TPTE: variants seen among roughly 807,000 people sequenced by gnomAD.
TPTE encodes the protein transmembrane phosphatase with tensin homology, also known as putative tyrosine-protein phosphatase TPTE.
In TPTE, 59 loss-of-function variants were observed where a neutral mutation model predicts 84.1. The observed-to-expected ratio is 0.70, with a 90% CI of 0.57 to 0.87. The LOEUF (loss-of-function observed/expected upper bound fraction) is 0.87. TPTE is among the 40% of genes least tolerant of loss of function. The probability of loss-of-function intolerance (pLI) is 0.00; values close to 1 mark genes in which losing one functional copy is unlikely to be tolerated. For synonymous variants in TPTE, 130 were observed against 223.5 expected (o/e 0.58, Z 3.73); for missense variants, 382 against 659.6 (o/e 0.58, Z 4.61).
intron 19 of TPTE, among the ~76,000 whole-genome samples, chr21:10,595,427 G>A (rs1349167074): frequency 4.6e-5 from 7 of 152,310 alleles, no homozygotes; most frequent in Non-Finnish European, 1.0e-4. Context: ...GTTGTGAACA[G>A]CTTGCCCCAG....
In TPTE at chr21:10,605,477, TC is replaced by T; in HGVS notation, c.1583del (p.Pro528HisfsTer14). Reference sequence around the variant, plus strand: ...ATAAACAAAAAGCACGGAGAATTTATCCATCAGATTTTGCCGTGGAGATACT... The same window carrying T: ...ATAAACAAAAAGCACGGAGAATTTATCATCAGATTTTGCCGTGGAGATACT... The part of the protein sequence containing the change: ...LHKQKARRIY[P>X]SDFAVEILFG... On this transcript the variant is annotated frameshift_variant, in exon 24 of 24. Transcript: ENST00000618007. LOFTEE classifies it high-confidence loss of function. 6.2e-7 allele frequency: 1 copy of T among 1,614,248 alleles called. No homozygotes were observed.
At chr21:10,531,828 G>C (rs2074183762) in intron 3 of TPTE, among the ~76,000 whole-genome samples, 2 of 152,420 alleles carry the variant, frequency 1.3e-5, no homozygotes, top group African/African-American at 2.4e-5. Flanking sequence ...AATCTACTTA[G>C]AGTCTACCCT....
chr21:10,591,875 A>C (rs1323928543), intron 18 of TPTE, among the ~76,000 whole-genome samples: 1 of 152,312 alleles, frequency 6.6e-6, no homozygotes, highest in Admixed American at 6.5e-5. Context: ...CCCAAAGATC[A>C]CTGCGGCCGG....
intron 11 of TPTE, among the ~76,000 whole-genome samples, 178 bp from the exon 12 acceptor site, chr21:10,569,259 C>T (rs1404872738): frequency 6.6e-6 from 1 of 152,312 alleles, no homozygotes; most frequent in South Asian, 2.1e-4. Context: ...CACACACATG[C>T]ACGCACGCCA....
chr21:10,539,041 G>C (rs1183995332), intron 4 of TPTE, among the ~76,000 whole-genome samples: 13 of 152,418 alleles, frequency 8.5e-5, no homozygotes, highest in African/African-American at 3.1e-4. Context: ...CTTTTCTAAC[G>C]GAGTGATATA....
At chr21:10,553,241 G>A (rs1478474372) in intron 8 of TPTE, among the ~76,000 whole-genome samples, 5 of 152,298 alleles carry the variant, frequency 3.3e-5, no homozygotes, top group African/African-American at 1.2e-4. Context: ...TGTACTCACT[G>A]TAATGAAACA....
chr21:10,583,111 A>G (rs918977461), intron 17 of TPTE, among the ~76,000 whole-genome samples: 1 of 152,310 alleles, frequency 6.6e-6, no homozygotes, highest in Non-Finnish European at 1.5e-5. Flanking sequence ...CCTCAGAATA[A>G]AATTGTTCTG....
intron 3 of TPTE, among the ~76,000 whole-genome samples, chr21:10,533,670 A>G (rs1184642251): frequency 6.6e-6 from 1 of 152,310 alleles, no homozygotes; most frequent in Admixed American, 6.5e-5. Flanking sequence ...GTCTCACTGA[A>G]ATCTAGGACG....
rs374325784 is a variant in TPTE, at chr21:10,541,121, G to A, written c.21G>A (p.Pro7=). 7 of 1,613,180 alleles carry A rather than the reference G, an allele frequency of 4.3e-6. No individual in the cohort carries two copies. The highest frequency in any genetic ancestry group is 1.7e-5 in the Admixed American group (1 of 60,000). The change falls in exon 5 of 24, where the codon CCG becomes CCA. Residue 7 remains proline (P), a synonymous_variant. Transcript: ENST00000618007. MNESPD[P]TDLAGVIIEL... is the part of the protein sequence containing the mutation. The stretch of plus-strand genomic sequence containing the variant: ...CATATTTGTCCTTTAGTCCTGATCC[G>A]ACTGACCTGGCGGGAGTCATCATTG...
rs569536435 is a variant in TPTE at position 10,542,676 on chromosome 21, G to C, written c.119+228G>C. Among the ~76,000 whole-genome samples the C allele has an allele frequency of 7.2e-5, 11 of 152,352 alleles. No individual in the cohort carries two copies. The South Asian group carries it at 2.1e-3, about 29-fold the overall frequency. Reference sequence around the variant, plus strand: ...AATCCATGCACATGATGGAAACATAGACCAAAGAGAAAGGAGACTGGTGGA... The same window carrying C: ...AATCCATGCACATGATGGAAACATACACCAAAGAGAAAGGAGACTGGTGGA... On this transcript the variant is annotated intron_variant, in intron 6 of 23. Transcript: ENST00000618007.
In TPTE at chr21:10,537,102, A is replaced by ATG. The variant is rs1178378452; in HGVS notation, c.-43-1578_-43-1577dup. ...CTATAATGGCAAAAACAAGGCACTC[A>ATG]TGAAGGGATTTTAGTGTCAGGAAAT... On this transcript the variant is annotated intron_variant, in intron 3 of 23. Coordinates refer to ENST00000618007, the MANE Select transcript of TPTE (RefSeq NM_199261.4). Among the ~76,000 whole-genome samples, 12 of 152,420 alleles carry ATG rather than the reference A, an allele frequency of 7.9e-5. No homozygotes were observed. In the East Asian group the frequency reaches 1.9e-3, roughly 24 times the overall value.
intron 8 of TPTE, among the ~76,000 whole-genome samples, chr21:10,559,191 T>C (rs1220115214): frequency 2.0e-5 from 3 of 152,310 alleles, no homozygotes; most frequent in African/African-American, 7.2e-5. Flanking sequence ...GCTATACTCC[T>C]TGAGATGATG....
chr21:10,578,079 GA>G (rs1179390591), intron 15 of TPTE, among the ~76,000 whole-genome samples: 1 of 152,304 alleles, frequency 6.6e-6, no homozygotes, highest in East Asian at 1.9e-4. Flanking sequence ...ATAATATAAT[GA>G]ATAGTCTGCT....
At chr21:10,549,370 CTAATCA>C (rs1260847372) in intron 7 of TPTE, among the ~76,000 whole-genome samples, 1 of 152,308 alleles carries the variant, frequency 6.6e-6, no homozygotes, top group African/African-American at 2.4e-5. Context: ...GTAATAGAAC[CTAATCA>C]TAAACATATG....
intron 3 of TPTE, among the ~76,000 whole-genome samples, chr21:10,530,974 G>C (rs1392949545): frequency 6.6e-6 from 1 of 152,308 alleles, no homozygotes; most frequent in Non-Finnish European, 1.5e-5. Context: ...GTCCATTCAT[G>C]AACTTAGCCC....
At chr21:10,557,203 C>T (rs1385795083) in intron 8 of TPTE, among the ~76,000 whole-genome samples, 1 of 152,426 alleles carries the variant, frequency 6.6e-6, no homozygotes, top group Non-Finnish European at 1.5e-5. Flanking sequence ...CGTGTTGCTT[C>T]ATGTTGGAGT....
At chr21:10,522,498 A>G (rs1420876451) in intron 1 of TPTE, among the ~76,000 whole-genome samples, 12 of 152,420 alleles carry the variant, frequency 7.9e-5, no homozygotes, top group Admixed American at 5.2e-4. Context: ...ATGCCCCGGG[A>G]AGGGCTGGGA....
intron 21 of TPTE, among the ~76,000 whole-genome samples, chr21:10,601,284 C>G (rs1245757187): frequency 6.6e-6 from 1 of 152,312 alleles, no homozygotes; most frequent in Admixed American, 6.5e-5. Context: ...GCAGGTGGAT[C>G]ACGAGGTCAA....
chr21:10,587,242 T>A (rs1340458320), intron 17 of TPTE, among the ~76,000 whole-genome samples: 6 of 152,302 alleles, frequency 3.9e-5, no homozygotes, highest in Admixed American at 6.5e-5. Context: ...AGCTTTTAGA[T>A]TTGGAAGTGC....
Sources: gnomAD v4.1 joint callset for allele counts (sites outside exome capture counted in the v4.1 genomes callset) on GRCh38, gnomAD v4.1.1 for gene constraint, MANE v1.5 for transcripts, NCBI Gene and HGNC (gene_info 2026-07-23, HGNC 2026-07-21) for gene names.